MCF2L: variants seen among roughly 807,000 people sequenced by gnomAD.
The protein encoded by MCF2L is guanine nucleotide exchange factor DBS.
A neutral mutation model predicts 153.4 loss-of-function variants in MCF2L; 97 were observed. That is an observed-to-expected ratio of 0.63 (90% CI 0.54 to 0.75). The LOEUF (loss-of-function observed/expected upper bound fraction) is 0.75, where lower values mean the gene tolerates loss of function less well. Among genes scored for constraint, MCF2L ranks in the 30% least tolerant of loss-of-function variants. MCF2L has a pLI of 0.00. For synonymous variants in MCF2L, 659 were observed against 632.2 expected, an observed-to-expected ratio of 1.04 and a Z score of -0.64; for missense variants, 1,347 against 1,495.2, an observed-to-expected ratio of 0.90 and a Z score of 1.64.
intron 2 of MCF2L, among the ~76,000 whole-genome samples, chr13:112,908,767 T>G (rs1056017713): frequency 1.1e-4 from 16 of 149,262 alleles, no homozygotes; most frequent in African/African-American, 3.5e-4. Flanking sequence ...AGAGTCTCAC[T>G]CTATTGTCCA....
upstream of MCF2L, chr13:112,968,563 A>G: frequency 1.3e-6 from 2 of 1,544,472 alleles, no homozygotes; most frequent in Non-Finnish European, 1.7e-6. Flanking sequence ...GGGCTGGTCC[A>G]TCCCCGGCCA....
chr13:112,968,961 G>GT, upstream of MCF2L: 1 of 449,624 alleles, frequency 2.2e-6, no homozygotes, highest in Non-Finnish European at 3.8e-6. Flanking sequence ...GTGACCTAGT[G>GT]ACACAGGTGA....
At chr13:112,949,690 T>TAA (rs59067978) in intron 2 of MCF2L, among the ~76,000 whole-genome samples, 2 of 145,638 alleles carry the variant, frequency 1.4e-5, no homozygotes, top group Non-Finnish European at 1.5e-5. Flanking sequence ...CATTCATGAT[T>TAA]AAAAAAAAAA....
At chr13:112,934,459 C>T (rs1283566075) in intron 2 of MCF2L, among the ~76,000 whole-genome samples, 1 of 152,176 alleles carries the variant, frequency 6.6e-6, no homozygotes, top group Non-Finnish European at 1.5e-5. Context: ...TCAGGACCCT[C>T]AAGGCTTGTG....
intron 3 of MCF2L, among the ~76,000 whole-genome samples, chr13:113,037,623 A>T (rs914148968): frequency 2.0e-5 from 3 of 152,188 alleles, no homozygotes; most frequent in Non-Finnish European, 2.9e-5. Flanking sequence ...CAACTGTAAA[A>T]CCTGGGTAAA....
In MCF2L at chr13:113,075,016, C is replaced by T. The variant is rs887354520; in HGVS notation, c.1135C>T (p.Arg379Trp). ...EKSGVAVERA[R>W]ALSLDGEQLI... ...TCCACAGGTGGCCGTGGAGAGGGCC[C>T]GGGCCCTGTCTCTGGACGGCGAGCA... Residue 379 changes from arginine to tryptophan, a missense_variant, in exon 11 of 30, where the codon CGG (arginine) becomes TGG (tryptophan). Arg to Trp is a moderately radical substitution (Grantham distance 101). This residue lies in a region of MCF2L where 820 missense variants were observed against 921.2 expected (regional missense o/e 0.89). Transcript: ENST00000535094. 27 of 1,606,312 alleles carry T rather than the reference C, an allele frequency of 1.7e-5. No individual in the cohort carries two copies. The highest frequency in any genetic ancestry group is 6.7e-5 in the African/African-American group (5 of 74,814).
rs543878254 is a variant in MCF2L, at chr13:112,992,163, G to A, written c.80-22600G>A. Among the ~76,000 whole-genome samples, 8 of 152,270 alleles carry A rather than the reference G, an allele frequency of 5.3e-5. No individual in the cohort carries two copies. The South Asian group carries it at 8.3e-4, about 16-fold the overall frequency. ...TTCAAGCTACGTGTATGAGGTGTGC[G>A]TGAAACATAAATGAATTTTGTGTTT... On this transcript the variant is annotated intron_variant, in intron 1 of 29. Transcript: ENST00000535094.
chr13:112,906,905 G>A (rs571609167), intron 2 of MCF2L, among the ~76,000 whole-genome samples: 241 of 152,310 alleles, frequency 1.6e-3, no homozygotes, highest in South Asian at 0.011. Flanking sequence ...GCAAACCTTT[G>A]AGCATCACAC....
intron 2 of MCF2L, among the ~76,000 whole-genome samples, chr13:112,954,853 T>C (rs2081738228): frequency 6.6e-6 from 1 of 152,236 alleles, no homozygotes; most frequent in African/African-American, 2.4e-5. Flanking sequence ...ACCTTCCTGC[T>C]GTCACCTGTG....
At position 113,096,415 on chromosome 13, in the gene MCF2L, C is replaced by G. The variant is rs1448642507; in HGVS notation, c.3120C>G (p.Gly1040=). 1 of 1,595,082 alleles carries G rather than the reference C, an allele frequency of 6.3e-7. No homozygotes were observed. Among genetic ancestry groups the G allele is most frequent in the African/African-American group, 1.3e-5 (1 of 74,728 alleles). The stretch of plus-strand genomic sequence containing the variant: ...TCGTGGCGGACCACGAGAAGGGAGG[C>G]CCCGATGCGCTGCGCGTGAGGAGCG... ...YTVVADHEKG[G]PDALRVRSGD... is the part of the protein sequence containing the mutation. Residue 1040 remains glycine, a synonymous_variant, in exon 28 of 30, where the codon GGC becomes GGG. Transcript: ENST00000535094.
chr13:113,072,169 T>G (rs756799028), intron 9 of MCF2L, among the ~76,000 whole-genome samples: 3 of 152,240 alleles, frequency 2.0e-5, no homozygotes, highest in African/African-American at 7.2e-5. Flanking sequence ...ACACAATTGA[T>G]TTTTGTATAT....
At chr13:113,020,222 T>G (rs1459231099) in intron 2 of MCF2L, among the ~76,000 whole-genome samples, 1 of 152,214 alleles carries the variant, frequency 6.6e-6, no homozygotes, top group African/African-American at 2.4e-5. Context: ...ACTGGAATGC[T>G]TTCATTCCTA....
intron 9 of MCF2L, among the ~76,000 whole-genome samples, chr13:113,072,424 C>T (rs569052816): frequency 6.6e-6 from 1 of 152,290 alleles, no homozygotes; most frequent in South Asian, 2.1e-4. Context: ...TGCTTTGTCC[C>T]CAACCTTAGG....
chr13:112,936,153 A>T (rs2081512327), intron 2 of MCF2L, among the ~76,000 whole-genome samples: 1 of 152,006 alleles, frequency 6.6e-6, no homozygotes, highest in African/African-American at 2.4e-5. Context: ...AGGGGCATGC[A>T]CCTGTAATTC....
intron 1 of MCF2L, among the ~76,000 whole-genome samples, chr13:112,897,507 C>G (rs1295502420): frequency 1.3e-5 from 2 of 152,176 alleles, no homozygotes; most frequent in Non-Finnish European, 2.9e-5. Context: ...GGAACCAGAG[C>G]TGGGAAGCTG....
At chr13:112,989,128 G>C (rs1339019670) in intron 1 of MCF2L, among the ~76,000 whole-genome samples, 3 of 47,632 alleles carry the variant, frequency 6.3e-5, no homozygotes, top group East Asian at 1.2e-3. Flanking sequence ...CCTGAGCAGG[G>C]GATGGAGCTA....
chr13:113,073,364 C>G (rs972041303), intron 9 of MCF2L, among the ~76,000 whole-genome samples: 1 of 152,124 alleles, frequency 6.6e-6, no homozygotes, highest in Non-Finnish European at 1.5e-5. Context: ...TATATCCGAG[C>G]TAGTTTCTGA....
At chr13:113,044,653 G>A in intron 3 of MCF2L, 1 of 1,610,980 alleles carries the variant, frequency 6.2e-7, no homozygotes, top group African/African-American at 1.3e-5. Flanking sequence ...TGTGACTCAG[G>A]CTTCTACTAC....
chr13:112,952,564 GC>G (rs1238454813), intron 2 of MCF2L, among the ~76,000 whole-genome samples: 17 of 152,328 alleles, frequency 1.1e-4, no homozygotes, highest in African/African-American at 3.8e-4. Flanking sequence ...GAATAACTTT[GC>G]CTTCCTTCTC....
Sources: allele counts gnomAD v4.1 joint callset (sites outside exome capture counted in the v4.1 genomes callset), GRCh38; gene constraint gnomAD v4.1.1; regional missense constraint gnomAD v4.1.1; transcripts MANE v1.5; gene names NCBI Gene and HGNC (gene_info 2026-07-23, HGNC 2026-07-21).